DACH1: variants seen among roughly 807,000 people sequenced by gnomAD.
The protein encoded by DACH1 is dachshund homolog 1.
DACH1 carries 12 observed loss-of-function variants against 54.2 expected under a neutral mutation model. The observed-to-expected ratio is 0.22, with a 90% CI of 0.14 to 0.36. The LOEUF is 0.36. Ranked by LOEUF, DACH1 falls within the 10% of genes least tolerant of loss-of-function variation. The pLI is 1.00. For synonymous variants in DACH1, 386 were observed against 366.2 expected, an observed-to-expected ratio of 1.05 and a Z score of -0.62; for missense variants, 805 against 929.8, an observed-to-expected ratio of 0.87 and a Z score of 1.75.
intron 6 of DACH1, among the ~76,000 whole-genome samples, chr13:71,500,365 T>G (rs1376829097): frequency 3.9e-5 from 6 of 152,146 alleles, no homozygotes; most frequent in Non-Finnish European, 8.8e-5. Flanking sequence ...TCTTATCAGC[T>G]CTGCATAGCT....
intron 3 of DACH1, among the ~76,000 whole-genome samples, chr13:71,581,780 T>C (rs1052517430): frequency 6.6e-6 from 1 of 152,180 alleles, no homozygotes; most frequent in African/African-American, 2.4e-5. Flanking sequence ...ATATATCATG[T>C]ACTTAAAATG....
intron 1 of DACH1, among the ~76,000 whole-genome samples, chr13:71,803,596 C>G (rs1887373084): frequency 6.6e-6 from 1 of 152,068 alleles, no homozygotes; most frequent in Non-Finnish European, 1.5e-5. Context: ...ATTTTGAAGT[C>G]TCTACTTAAA....
At chr13:71,558,054 ATAATAATG>A (rs1884363188) in intron 5 of DACH1, among the ~76,000 whole-genome samples, 1 of 151,956 alleles carries the variant, frequency 6.6e-6, no homozygotes, top group Non-Finnish European at 1.5e-5. Context: ...TTTTAGTACT[ATAATAATG>A]TTATTTTCCT....
intron 1 of DACH1, among the ~76,000 whole-genome samples, chr13:71,731,399 C>A (rs889791482): frequency 9.3e-5 from 14 of 150,244 alleles, no homozygotes; most frequent in African/African-American, 3.4e-4. Flanking sequence ...TCATGCCATT[C>A]TCCTGCCTCA....
chr13:71,843,053 C>T (rs927340019), intron 1 of DACH1, among the ~76,000 whole-genome samples: 1 of 151,972 alleles, frequency 6.6e-6, no homozygotes, highest in African/African-American at 2.4e-5. Flanking sequence ...TTTTTGCTAT[C>T]CTGCATTATC....
chr13:71,601,445 T>C (rs957915606), intron 3 of DACH1, among the ~76,000 whole-genome samples: 3 of 152,068 alleles, frequency 2.0e-5, no homozygotes, highest in Non-Finnish European at 2.9e-5. Flanking sequence ...TAGTAATTTA[T>C]GACTTTTTCT....
intron 10 of DACH1, among the ~76,000 whole-genome samples, chr13:71,470,081 A>G (rs1876936026): frequency 6.6e-6 from 1 of 152,196 alleles, no homozygotes; most frequent in Non-Finnish European, 1.5e-5. Flanking sequence ...TTTTTACTTA[A>G]AAAGTGAAAG....
intron 1 of DACH1, among the ~76,000 whole-genome samples, chr13:71,762,400 A>T (rs1885435481): frequency 6.6e-6 from 1 of 152,196 alleles, no homozygotes; most frequent in African/African-American, 2.4e-5. Context: ...GAGCAAGAAA[A>T]TGTCACATAT....
At chr13:71,729,327 T>C (rs1219774282) in intron 1 of DACH1, among the ~76,000 whole-genome samples, 2 of 152,018 alleles carry the variant, frequency 1.3e-5, no homozygotes, top group Non-Finnish European at 2.9e-5. Flanking sequence ...AGTCCACACA[T>C]ATGAGAGAAC....
At position 71,848,072 on chromosome 13, in the gene DACH1, G is replaced by A. The variant is rs143384710; in HGVS notation, c.848+17850C>T. ...GTATTTAGTTTAAGAAAATTCTGGA[G>A]ACTTAGCCATCATAGAATGCTCTGG... On this transcript the variant is annotated intron_variant, in intron 1 of 10. Transcript: ENST00000613252. Among the ~76,000 whole-genome samples the A allele has an allele frequency of 3.9e-5, 6 of 152,162 alleles. No individual in the cohort carries two copies. In the East Asian group the frequency reaches 1.2e-3, roughly 29 times the overall value.
At chr13:71,649,153 T>A (rs965978031) in intron 2 of DACH1, among the ~76,000 whole-genome samples, 3 of 152,154 alleles carry the variant, frequency 2.0e-5, no homozygotes, top group Admixed American at 6.6e-5. Context: ...TATTATTATT[T>A]CCTCACACTA....
chr13:71,574,268 A>T (rs1885400844), intron 3 of DACH1, among the ~76,000 whole-genome samples: 2 of 152,298 alleles, frequency 1.3e-5, no homozygotes, highest in African/African-American at 4.8e-5. Context: ...GAAGGTGTTT[A>T]TAAATCATTT....
At position 71,654,851 on chromosome 13, in the gene DACH1, G is replaced by A. The variant is rs118032190; in HGVS notation, c.965-24134C>T. On this transcript the variant is annotated intron_variant, in intron 2 of 10. Transcript: ENST00000613252. ...TCTAACAATAAAAAAATGATAAAAT[G>A]TTTATTTGGTACAGAGATAGGTGGG... Among the ~76,000 whole-genome samples, 933 of 152,276 alleles carry A rather than the reference G, an allele frequency of 6.1e-3. 7 individuals are homozygous for A. Among genetic ancestry groups the A allele is most frequent in the East Asian group, 0.03 (155 of 5,186 alleles).
intron 9 of DACH1, 46 bp downstream of exon 9, chr13:71,475,660 G>T: frequency 6.4e-7 from 1 of 1,568,702 alleles, no homozygotes; most frequent in Non-Finnish European, 8.6e-7. Context: ...TGTCCTTTAA[G>T]CATTAAAAAT....
chr13:71,748,180 A>T (rs1186269749), intron 1 of DACH1, among the ~76,000 whole-genome samples: 1 of 152,190 alleles, frequency 6.6e-6, no homozygotes, highest in African/African-American at 2.4e-5. Context: ...ATCTGAAAAA[A>T]AAAAAAGGAG....
intron 6 of DACH1, among the ~76,000 whole-genome samples, chr13:71,556,308 G>C (rs1397506265): frequency 6.6e-6 from 1 of 151,980 alleles, no homozygotes; most frequent in Non-Finnish European, 1.5e-5. Context: ...TATAAAGTTT[G>C]AAAATATTAA....
intron 10 of DACH1, among the ~76,000 whole-genome samples, chr13:71,457,216 A>G (rs923973544): frequency 2.0e-5 from 3 of 152,022 alleles, no homozygotes; most frequent in Non-Finnish European, 2.9e-5. Context: ...TTATGACTCT[A>G]TTCAATGTAA....
At chr13:71,498,163 T>C (rs1207215633) in intron 6 of DACH1, among the ~76,000 whole-genome samples, 1 of 152,224 alleles carries the variant, frequency 6.6e-6, no homozygotes, top group Admixed American at 6.5e-5. Flanking sequence ...TCCACGCTTA[T>C]TATATGCAAC....
At chr13:71,688,070 C>T (rs939158646) in intron 1 of DACH1, among the ~76,000 whole-genome samples, 5 of 152,254 alleles carry the variant, frequency 3.3e-5, no homozygotes, top group African/African-American at 1.2e-4. Context: ...TTAATCTTTC[C>T]TTTCCATTTG....
Sources: gnomAD v4.1 joint callset for allele counts (sites outside exome capture counted in the v4.1 genomes callset) on GRCh38, gnomAD v4.1.1 for gene constraint, MANE v1.5 for transcripts, NCBI Gene and HGNC (gene_info 2026-07-23, HGNC 2026-07-21) for gene names.